PER2: variants seen among roughly 807,000 people sequenced by gnomAD.
PER2 encodes the protein period circadian regulator 2, also known as period circadian protein homolog 2.
PER2 carries 66 observed loss-of-function variants against 121.0 expected under a neutral mutation model. The ratio of observed to expected loss-of-function variants is 0.55; its 90% CI spans 0.45 to 0.67. The LOEUF is 0.67. Among genes scored for constraint, PER2 ranks in the 30% least tolerant of loss-of-function variants. The pLI, the probability that PER2 is intolerant of heterozygous loss-of-function variation, is 0.00. For synonymous variants in PER2, 684 were observed against 659.9 expected (o/e 1.04, Z -0.56); for missense variants, 1,521 against 1,635.0 (o/e 0.93, Z 1.20).
intron 8 of PER2, among the ~76,000 whole-genome samples, chr2:238,266,079 A>C (rs1041435614): frequency 2.0e-5 from 3 of 151,096 alleles, no homozygotes; most frequent in African/African-American, 7.3e-5. Flanking sequence ...AATTTTTTGT[A>C]TTTTTAGTTG....
At chr2:238,260,526 G>GCTGT (rs1276754688) in intron 13 of PER2, among the ~76,000 whole-genome samples, 1 of 152,178 alleles carries the variant, frequency 6.6e-6, no homozygotes, top group East Asian at 1.9e-4. Context: ...AAAGTGCTGG[G>GCTGT]ATTACAGGTG....
At chr2:238,280,452 G>C (rs968083621) in intron 1 of PER2, among the ~76,000 whole-genome samples, 1 of 152,228 alleles carries the variant, frequency 6.6e-6, no homozygotes, top group Non-Finnish European at 1.5e-5. Flanking sequence ...TCATGCCACA[G>C]AGGAAGCAGC....
At chr2:238,262,636 C>A (rs1695970491) in intron 10 of PER2, among the ~76,000 whole-genome samples, 1 of 152,146 alleles carries the variant, frequency 6.6e-6, no homozygotes. Context: ...CTGGTGAGAA[C>A]CTTCCTAGCC....
At position 238,249,171 on chromosome 2, in the gene PER2, T is replaced by G. The variant is rs373671942; in HGVS notation, c.3509A>C (p.Lys1170Thr). The change falls in exon 22 of 23, where the codon AAG becomes ACG. Residue 1170 changes from lysine to threonine, a missense_variant. Physicochemically the swap from Lys to Thr is moderately conservative, Grantham distance 78. Coordinates refer to ENST00000254657, the MANE Select transcript of PER2 (RefSeq NM_022817.3). ...AVLKEDREKL[K>T]LLQKLQPRFT... Reference sequence around the variant, plus strand: ...CCTGGGCTGGAGTTTCTGTAGGAGCTTCAGCTTCTCTCTGTCCTCCTTCAA... The same window carrying G: ...CCTGGGCTGGAGTTTCTGTAGGAGCGTCAGCTTCTCTCTGTCCTCCTTCAA... 6.2e-7 allele frequency: 1 copy of G among 1,614,092 alleles called. No individual in the cohort carries two copies. The highest frequency in any genetic ancestry group is 1.3e-5 in the African/African-American group (1 of 75,060).
upstream of PER2, among the ~76,000 whole-genome samples, chr2:238,292,166 C>CA (rs1386272187): frequency 6.6e-6 from 1 of 152,018 alleles, no homozygotes; most frequent in Non-Finnish European, 1.5e-5. Context: ...CCTATCTTTT[C>CA]AAAAAAAGAA....
chr2:238,285,938 T>C (rs1696769067), intron 1 of PER2, among the ~76,000 whole-genome samples: 2 of 152,082 alleles, frequency 1.3e-5, no homozygotes, highest in Non-Finnish European at 2.9e-5. Context: ...CCTGAGAAAA[T>C]GTTTGTCCTG....
intron 16 of PER2, among the ~76,000 whole-genome samples, chr2:238,257,983 C>A (rs1695813449): frequency 6.6e-6 from 1 of 152,012 alleles, no homozygotes. Context: ...CTCAGTGTGG[C>A]CGCATGAAGG....
At position 238,275,899 on chromosome 2, in the gene PER2, T is replaced by C; in HGVS notation, c.294-2A>G. On this transcript the variant is annotated splice_acceptor_variant, in intron 3 of 22. Transcript: ENST00000254657. LOFTEE classifies it high-confidence loss of function. ...TCCACTTTCGAAGACTGGTCGCTAC[T>C]GCAGGATTCAAGAAAGAGGCAGCCA... The C allele has an allele frequency of 6.2e-7, 1 of 1,614,250 alleles. No individual in the cohort carries two copies. Among genetic ancestry groups the C allele is most frequent in the South Asian group, 1.1e-5 (1 of 91,090 alleles).
At chr2:238,295,898 C>T in the PER2 span, 2 of 214,696 alleles carry the variant, frequency 9.3e-6, no homozygotes, top group African/African-American at 2.4e-5. Context: ...CTGCCACCCA[C>T]ACCCGGGGAA....
At chr2:238,258,227 G>A in intron 16 of PER2, 49 bp downstream of exon 16, 2 of 1,605,562 alleles carry the variant, frequency 1.2e-6, no homozygotes, top group Non-Finnish European at 1.7e-6. Flanking sequence ...CTCTACTCCA[G>A]AGGATTTACA....
At chr2:238,295,098 C>T (rs1697020536), upstream of PER2, among the ~76,000 whole-genome samples, 1 of 152,196 alleles carries the variant, frequency 6.6e-6, no homozygotes, top group African/African-American at 2.4e-5. Flanking sequence ...AGAGTGTTTC[C>T]TTTGGTGTTT....
rs757472136 is a variant in PER2 at position 238,258,315 on chromosome 2, T to C, written c.1861A>G (p.Lys621Glu). 6.2e-7 allele frequency: 1 copy of C among 1,614,100 alleles called. No individual in the cohort carries two copies. The highest frequency in any genetic ancestry group is 8.5e-7 in the Non-Finnish European group (1 of 1,180,042). Residue 621 changes from lysine (K) to glutamate (E), a missense_variant, in exon 16 of 23, where the codon AAG (lysine) becomes GAG (glutamate). Coordinates refer to ENST00000254657, the MANE Select transcript of PER2 (RefSeq NM_022817.3). ...ANVPALRSSD[K>E]RKATVSPGPH... ...CCTGGGCTGACTGTGGCCTTCCGCTTATCACTGGACCTTAGCGCTGGGACG... is the reference window on the plus strand; with the variant it reads ...CCTGGGCTGACTGTGGCCTTCCGCTCATCACTGGACCTTAGCGCTGGGACG...
chr2:238,249,844 G>A (rs998234709), intron 21 of PER2, among the ~76,000 whole-genome samples: 1 of 152,216 alleles, frequency 6.6e-6, no homozygotes, highest in Non-Finnish European at 1.5e-5. Flanking sequence ...TGTGAAGAAG[G>A]TGCTTGCTTC....
intron 1 of PER2, among the ~76,000 whole-genome samples, chr2:238,286,004 A>AC: frequency 6.6e-6 from 1 of 152,238 alleles, no homozygotes; most frequent in African/African-American, 2.4e-5. Context: ...GGAAAATGTG[A>AC]CCGCAGCCAT....
intron 17 of PER2, 34 bp from the exon 18 acceptor site, chr2:238,255,945 C>A (rs756055204): frequency 6.2e-7 from 1 of 1,613,020 alleles, no homozygotes; most frequent in Non-Finnish European, 8.5e-7. Flanking sequence ...CTGGTCCACA[C>A]GTGCCCTGTT....
At chr2:238,273,687 G>T (rs1234518253) in intron 4 of PER2, among the ~76,000 whole-genome samples, 1 of 152,124 alleles carries the variant, frequency 6.6e-6, no homozygotes, top group Non-Finnish European at 1.5e-5. Context: ...TTTGTTTAGA[G>T]ATGGAGGCTT....
chr2:238,271,536 T>C (rs1164790556), intron 5 of PER2, 23 bp from the exon 6 acceptor site: 1 of 1,580,546 alleles, frequency 6.3e-7, no homozygotes, highest in Non-Finnish European at 8.7e-7. Flanking sequence ...AGTAGGGCTC[T>C]GATGACAAGG....
At chr2:238,270,013 A>C (rs566187979) in intron 6 of PER2, among the ~76,000 whole-genome samples, 72 of 152,328 alleles carry the variant, frequency 4.7e-4, no homozygotes, top group African/African-American at 1.7e-3. Context: ...GAATGGCAAG[A>C]CTGGGATCCA....
In PER2 at chr2:238,277,962, A is replaced by G; in HGVS notation, c.-19-7T>C. ...GCTGGGCTCTGGAACGAAGCTGGCAAACAGAGGGATGCTGTCACGCATTAA... is the reference window on the plus strand; with the variant it reads ...GCTGGGCTCTGGAACGAAGCTGGCAGACAGAGGGATGCTGTCACGCATTAA... On this transcript the variant is annotated splice_polypyrimidine_tract_variant and splice_region_variant and intron_variant, in intron 1 of 22. Transcript: ENST00000254657. 2 of 1,610,604 alleles carry G rather than the reference A, an allele frequency of 1.2e-6. No homozygotes were observed. Among genetic ancestry groups the G allele is most frequent in the Non-Finnish European group, 1.7e-6 (2 of 1,179,044 alleles).
Sources: gnomAD v4.1 joint callset for allele counts (sites outside exome capture counted in the v4.1 genomes callset) on GRCh38, gnomAD v4.1.1 for gene constraint, MANE v1.5 for transcripts, NCBI Gene and HGNC (gene_info 2026-07-23, HGNC 2026-07-21) for gene names.